TENM2: variants seen among roughly 807,000 people sequenced by gnomAD.
TENM2 encodes the protein teneurin-2.
Under a neutral mutation model 245.2 loss-of-function variants are expected in TENM2, and 52 were observed. The observed-to-expected ratio is 0.21, with a 90% CI of 0.17 to 0.27. The LOEUF (loss-of-function observed/expected upper bound fraction) is 0.27. Ranked by LOEUF, TENM2 falls within the 10% of genes least tolerant of loss-of-function variation. TENM2 has a pLI of 1.00. For synonymous variants in TENM2, 1,363 were observed against 1,438.9 expected, an observed-to-expected ratio of 0.95 and a Z score of 1.19; for missense variants, 3,046 against 3,666.8, an observed-to-expected ratio of 0.83 and a Z score of 4.37.
At chr5:168,074,208 C>G (rs560880207) in intron 7 of TENM2, among the ~76,000 whole-genome samples, 2 of 152,230 alleles carry the variant, frequency 1.3e-5, no homozygotes, top group African/African-American at 2.4e-5. Context: ...ACATCACCCC[C>G]CTCCCATACC....
At chr5:167,431,256 G>T (rs1764204172) in intron 2 of TENM2, among the ~76,000 whole-genome samples, 1 of 152,016 alleles carries the variant, frequency 6.6e-6, no homozygotes, top group South Asian at 2.1e-4. Flanking sequence ...TTATTTCATT[G>T]CTTGGTTAAT....
chr5:167,617,080 G>T (rs761600222), intron 2 of TENM2, among the ~76,000 whole-genome samples: 19 of 152,152 alleles, frequency 1.2e-4, no homozygotes, highest in Non-Finnish European at 2.4e-4. Flanking sequence ...GAGCTTCTGT[G>T]TTGGAAACTA....
intron 9 of TENM2, among the ~76,000 whole-genome samples, chr5:168,106,742 G>A (rs2152302655): frequency 6.6e-6 from 1 of 152,310 alleles, no homozygotes; most frequent in African/African-American, 2.4e-5. Context: ...TTCCCAGGTA[G>A]AAAGTGGGAG....
At chr5:168,079,771 G>A (rs1353064148) in intron 7 of TENM2, among the ~76,000 whole-genome samples, 2 of 152,170 alleles carry the variant, frequency 1.3e-5, no homozygotes, top group Admixed American at 6.5e-5. Flanking sequence ...TGCATCCCAG[G>A]GATGAAGCCC....
At chr5:167,927,090 A>G (rs1777826392) in intron 3 of TENM2, among the ~76,000 whole-genome samples, 1 of 152,054 alleles carries the variant, frequency 6.6e-6, no homozygotes, top group African/African-American at 2.4e-5. Context: ...GTATGCCTGC[A>G]TTTGTGTGTG....
intron 14 of TENM2, among the ~76,000 whole-genome samples, chr5:168,194,722 C>G (rs149327178): frequency 6.6e-6 from 1 of 152,206 alleles, no homozygotes; most frequent in East Asian, 1.9e-4. Context: ...CCATAAAACT[C>G]TCTGTGCTCC....
intron 2 of TENM2, among the ~76,000 whole-genome samples, chr5:167,670,801 C>T (rs1306435450): frequency 6.6e-6 from 1 of 152,172 alleles, no homozygotes; most frequent in Non-Finnish European, 1.5e-5. Context: ...GCAAATCTAT[C>T]AGGTTCCAAA....
chr5:167,924,007 G>T (rs899629083), intron 3 of TENM2, among the ~76,000 whole-genome samples: 3 of 152,212 alleles, frequency 2.0e-5, no homozygotes. Context: ...GCATGCTTTT[G>T]TGTTTATATG....
the TENM2 span, among the ~76,000 whole-genome samples, chr5:167,192,249 G>A: frequency 8.2e-3 from 1,248 of 152,086 alleles, 16 homozygotes; most frequent in Non-Finnish European, 0.011. Flanking sequence ...CAGTGGATTC[G>A]TGTTGATACA....
intron 2 of TENM2, among the ~76,000 whole-genome samples, chr5:167,866,724 G>A (rs375248863): frequency 4.6e-5 from 7 of 152,248 alleles, no homozygotes; most frequent in African/African-American, 1.4e-4. Flanking sequence ...CTGAGCAAAT[G>A]TGTGCATTCA....
At chr5:167,349,218 C>T (rs1758662811) in intron 1 of TENM2, among the ~76,000 whole-genome samples, 1 of 152,234 alleles carries the variant, frequency 6.6e-6, no homozygotes, top group Non-Finnish European at 1.5e-5. Context: ...ACTTCAACCT[C>T]ACCTTGTCAT....
chr5:167,379,665 C>T lies in TENM2; in HGVS notation c.502+4192C>T, dbSNP rs116660582. Among the ~76,000 whole-genome samples, 621 of 152,188 alleles carry T rather than the reference C, an allele frequency of 4.1e-3. 4 individuals are homozygous for T. Among genetic ancestry groups the T allele is most frequent in the African/African-American group, 0.013 (552 of 41,536 alleles). On this transcript the variant is annotated intron_variant, in intron 2 of 28. Transcript: ENST00000518659. ...CTCCCTAATCCCTCACGTAAAATCA[C>T]AGAGAATGCCTGGAACAGACATAAA...
chr5:167,609,844 C>A (rs984160364), intron 2 of TENM2, among the ~76,000 whole-genome samples: 1 of 152,044 alleles, frequency 6.6e-6, no homozygotes, highest in African/African-American at 2.4e-5. Context: ...TTCTCCCTAC[C>A]AGCAACCAAT....
At chr5:168,086,376 G>A (rs181948598) in intron 7 of TENM2, among the ~76,000 whole-genome samples, 34 of 152,312 alleles carry the variant, frequency 2.2e-4, no homozygotes, top group Non-Finnish European at 4.0e-4. Flanking sequence ...TCGAGCTCTC[G>A]TAAAAGTTGC....
intron 2 of TENM2, among the ~76,000 whole-genome samples, chr5:167,782,360 G>T (rs1251680148): frequency 6.8e-6 from 1 of 147,632 alleles, no homozygotes; most frequent in Non-Finnish European, 1.5e-5. Flanking sequence ...AATAAAAGTT[G>T]GCTTCTGAGT....
the TENM2 span, among the ~76,000 whole-genome samples, chr5:167,062,846 C>T: frequency 6.8e-3 from 1,032 of 152,180 alleles, 6 homozygotes; most frequent in African/African-American, 0.023. Flanking sequence ...TAGTTTAAAT[C>T]CAAAGGTCGA....
Position 168,236,578 on chromosome 5 carries a change from T to C in TENM2, c.5521-7842T>C, listed in dbSNP as rs370465097. 2.0e-5 allele frequency among the ~76,000 whole-genome samples: 3 copies of C among 152,162 alleles called. No homozygotes were observed. The East Asian group carries it at 5.8e-4, about 29-fold the overall frequency. On this transcript the variant is annotated intron_variant, in intron 25 of 28. Coordinates refer to ENST00000518659, the Ensembl canonical transcript of TENM2. ...CATCAGTCCCAGCTCTGGTTCCACA[T>C]CCTTCCTCACTGCCACAGTTCCTTC... is the stretch of plus-strand genomic sequence containing the variant.
chr5:167,277,045 A>C, the TENM2 span, among the ~76,000 whole-genome samples: 1 of 151,738 alleles, frequency 6.6e-6, no homozygotes, highest in Non-Finnish European at 1.5e-5. Context: ...ATTCTTATTG[A>C]TCTTTTCAAG....
intron 2 of TENM2, among the ~76,000 whole-genome samples, chr5:167,450,825 T>G (rs1765530295): frequency 6.6e-6 from 1 of 152,114 alleles, no homozygotes; most frequent in Non-Finnish European, 1.5e-5. Flanking sequence ...TTAGATACCT[T>G]ACTGGGTGGT....
Sources: allele counts gnomAD v4.1 joint callset (sites outside exome capture counted in the v4.1 genomes callset), GRCh38; gene constraint gnomAD v4.1.1; transcripts MANE v1.5; gene names NCBI Gene and HGNC (gene_info 2026-07-23, HGNC 2026-07-21).